Variants in GALNTL6 observed in about 807,000 individuals in gnomAD.
The protein encoded by GALNTL6 is polypeptide N-acetylgalactosaminyltransferase-like 6.
GALNTL6 carries 46 observed loss-of-function variants against 73.7 expected under a neutral mutation model. The observed-to-expected ratio is 0.62, with a 90% CI of 0.49 to 0.80. The LOEUF (loss-of-function observed/expected upper bound fraction) is 0.80. GALNTL6 is among the 30% of genes least tolerant of loss of function. The pLI is 0.00. For missense variants in GALNTL6, 604 were observed against 755.0 expected (o/e 0.80, Z 2.34); for synonymous variants, 259 against 263.7 (o/e 0.98, Z 0.17).
chr4:172,750,123 G>T (rs1737343993), intron 5 of GALNTL6, among the ~76,000 whole-genome samples: 1 of 152,124 alleles, frequency 6.6e-6, no homozygotes, highest in African/African-American at 2.4e-5. Context: ...TAGGTCTTCA[G>T]ATTTCTGGTA....
intron 3 of GALNTL6, among the ~76,000 whole-genome samples, chr4:172,275,351 T>C (rs768646962): frequency 1.1e-4 from 17 of 152,200 alleles, no homozygotes; most frequent in Non-Finnish European, 2.1e-4. Context: ...TAGAATCACA[T>C]TGCAGAGTAT....
chr4:172,544,829 C>T (rs6852958), intron 5 of GALNTL6, among the ~76,000 whole-genome samples: 3,060 of 152,268 alleles, frequency 0.02, 100 homozygotes, highest in African/African-American at 0.066. Context: ...ATCTCAATTG[C>T]ATATACATAG....
At chr4:172,727,305 C>A (rs1369058764) in intron 5 of GALNTL6, among the ~76,000 whole-genome samples, 15 of 152,168 alleles carry the variant, frequency 9.9e-5, no homozygotes, top group Non-Finnish European at 2.9e-5. Flanking sequence ...TTACACCACA[C>A]AACTTTCTCC....
intron 12 of GALNTL6, among the ~76,000 whole-genome samples, chr4:173,026,861 G>T (rs1753254059): frequency 6.6e-6 from 1 of 152,084 alleles, no homozygotes; most frequent in Non-Finnish European, 1.5e-5. Context: ...TGATTCGTGG[G>T]TTTTGTGTTC....
At chr4:171,934,033 T>C (rs1738267649) in intron 2 of GALNTL6, among the ~76,000 whole-genome samples, 1 of 152,212 alleles carries the variant, frequency 6.6e-6, no homozygotes, top group Admixed American at 6.5e-5. Context: ...TTTGGCTTCA[T>C]TAACTTACAA....
chr4:172,782,209 GGC>G (rs1223658856), intron 5 of GALNTL6, among the ~76,000 whole-genome samples: 2 of 151,886 alleles, frequency 1.3e-5, no homozygotes, highest in African/African-American at 4.8e-5. Context: ...ATCAACATGG[GGC>G]AAACACACAT....
chr4:172,720,944 T>G lies in GALNTL6; in HGVS notation c.554-88417T>G, dbSNP rs190354662. On this transcript the variant is annotated intron_variant, in intron 5 of 12. Coordinates refer to ENST00000506823, the MANE Select transcript of GALNTL6 (RefSeq NM_001034845.3). The stretch of plus-strand genomic sequence containing the variant: ...CTATACTTTTCATGGTTGATTCCTC[T>G]TAATAGAATTAGAATTATCAGGTAT... Among the ~76,000 whole-genome samples the G allele has an allele frequency of 1.9e-4, 29 of 152,360 alleles. No individual in the cohort carries two copies. In the East Asian group the frequency reaches 5.2e-3, roughly 27 times the overall value.
intron 2 of GALNTL6, among the ~76,000 whole-genome samples, chr4:172,134,770 T>C (rs1199614296): frequency 6.6e-6 from 1 of 152,212 alleles, no homozygotes; most frequent in East Asian, 1.9e-4. Context: ...GTTTATTTCC[T>C]GCTGATACAA....
rs115301680 is a variant in GALNTL6 at position 172,236,153 on chromosome 4, T to C, written c.247+6389T>C. ...CTGCTGTGTGATCCAGTGTTTCACA[T>C]TGTATTTGCTTTTCTTTCAGTATGT... On this transcript the variant is annotated intron_variant, in intron 3 of 12. Transcript: ENST00000506823. Among the ~76,000 whole-genome samples, 410 of 152,364 alleles carry C rather than the reference T, an allele frequency of 2.7e-3. 2 individuals carry two copies. Among genetic ancestry groups the C allele is most frequent in the African/African-American group, 9.4e-3 (389 of 41,588 alleles).
At chr4:172,546,125 T>C (rs1197547202) in intron 5 of GALNTL6, among the ~76,000 whole-genome samples, 3 of 152,182 alleles carry the variant, frequency 2.0e-5, no homozygotes, top group Non-Finnish European at 4.4e-5. Context: ...GTCTGCATTT[T>C]ATGGATGACA....
chr4:172,994,035 T>G (rs1751664014), intron 10 of GALNTL6, among the ~76,000 whole-genome samples: 1 of 152,198 alleles, frequency 6.6e-6, no homozygotes, highest in Non-Finnish European at 1.5e-5. Flanking sequence ...GAATCTAGCA[T>G]GATTCATTGC....
intron 5 of GALNTL6, among the ~76,000 whole-genome samples, chr4:172,429,681 C>T (rs1407680087): frequency 6.6e-6 from 1 of 152,102 alleles, no homozygotes; most frequent in East Asian, 1.9e-4. Flanking sequence ...ATAATGTAAC[C>T]TATGCTAAGA....
At chr4:172,284,273 G>T (rs1448222260) in intron 3 of GALNTL6, among the ~76,000 whole-genome samples, 1 of 152,138 alleles carries the variant, frequency 6.6e-6, no homozygotes, top group East Asian at 1.9e-4. Flanking sequence ...AGATTTTAAT[G>T]ATTTCTTACT....
At chr4:172,748,641 A>G (rs1468882930) in intron 5 of GALNTL6, among the ~76,000 whole-genome samples, 1 of 152,146 alleles carries the variant, frequency 6.6e-6, no homozygotes, top group Non-Finnish European at 1.5e-5. Context: ...AAAGTTGGTC[A>G]ACACATACAA....
chr4:172,403,120 G>A (rs335999), intron 5 of GALNTL6, among the ~76,000 whole-genome samples: 132,182 of 152,038 alleles, frequency 0.87, 57,461 homozygotes, highest in South Asian at 0.89. Flanking sequence ...GGCATTGTTC[G>A]TTTCCCAGTG....
At chr4:172,389,317 A>C (rs1478894166) in intron 5 of GALNTL6, among the ~76,000 whole-genome samples, 2 of 152,058 alleles carry the variant, frequency 1.3e-5, no homozygotes, top group Non-Finnish European at 1.5e-5. Flanking sequence ...AGAAAGATAT[A>C]ATTAAAGTAA....
At position 172,219,199 on chromosome 4, in the gene GALNTL6, G is replaced by GTATATATATA. The variant is rs34783084; in HGVS notation, c.139-10442_139-10433dup. ...ATATAATATGTCAGATTAAGCAAGT[G>GTATATATATA]TATATATATATATATATATATATAA... On this transcript the variant is annotated intron_variant, in intron 2 of 12. Coordinates refer to ENST00000506823, the MANE Select transcript of GALNTL6 (RefSeq NM_001034845.3). Among the ~76,000 whole-genome samples the GTATATATATA allele has an allele frequency of 4.8e-3, 553 of 116,188 alleles. 8 individuals carry two copies. Among genetic ancestry groups the GTATATATATA allele is most frequent in the South Asian group, 6.0e-3 (24 of 3,986 alleles). The allele number at this position is 116,188 out of a possible 152,430, so 76.2% of individuals were successfully genotyped here.
chr4:172,400,473 A>C (rs904080074), intron 5 of GALNTL6, among the ~76,000 whole-genome samples: 8 of 152,194 alleles, frequency 5.3e-5, no homozygotes, highest in Non-Finnish European at 1.0e-4. Flanking sequence ...GGTCTCACAG[A>C]TGAGCAAACC....
At chr4:172,149,178 AATAC>A (rs1359734025) in intron 2 of GALNTL6, among the ~76,000 whole-genome samples, 1 of 152,234 alleles carries the variant, frequency 6.6e-6, no homozygotes, top group African/African-American at 2.4e-5. Context: ...ACATAAGAAA[AATAC>A]ATACACACAT....
Sources: allele counts gnomAD v4.1 joint callset (sites outside exome capture counted in the v4.1 genomes callset), GRCh38; gene constraint gnomAD v4.1.1; transcripts MANE v1.5; gene names NCBI Gene and HGNC (gene_info 2026-07-23, HGNC 2026-07-21).